Variants in EVA1C observed in about 807,000 individuals in gnomAD.
The protein encoded by EVA1C is eva-1 homolog C.
EVA1C carries 25 observed loss-of-function variants against 45.4 expected under a neutral mutation model. The ratio of observed to expected loss-of-function variants is 0.55; its 90% confidence interval spans 0.40 to 0.77. The LOEUF (loss-of-function observed/expected upper bound fraction) is 0.77. Among genes scored for constraint, EVA1C ranks in the 30% least tolerant of loss-of-function variants. The probability of loss-of-function intolerance (pLI) is 0.00; values close to 1 mark genes in which losing one functional copy is unlikely to be tolerated. For missense variants in EVA1C, 479 were observed against 554.8 expected (o/e 0.86, Z 1.37); for synonymous variants, 190 against 221.2 (o/e 0.86, Z 1.25).
chr21:32,445,821 G>T (rs1333886813), intron 1 of EVA1C, among the ~76,000 whole-genome samples: 1 of 152,184 alleles, frequency 6.6e-6, no homozygotes, highest in Non-Finnish European at 1.5e-5. Context: ...TTTGAGGAAG[G>T]TTTTACCCAT....
intron 6 of EVA1C, among the ~76,000 whole-genome samples, chr21:32,502,173 C>A (rs534212776): frequency 6.6e-6 from 1 of 151,916 alleles, no homozygotes; most frequent in Non-Finnish European, 1.5e-5. Context: ...AATCTCCACT[C>A]ACTGCAACCT....
At chr21:32,477,405 T>C (rs1486826052) in intron 4 of EVA1C, among the ~76,000 whole-genome samples, 1 of 152,180 alleles carries the variant, frequency 6.6e-6, no homozygotes, top group African/African-American at 2.4e-5. Context: ...GTTTAATGGC[T>C]TAAAACAAAA....
intron 3 of EVA1C, among the ~76,000 whole-genome samples, chr21:32,463,004 A>G (rs2146286563): frequency 6.6e-6 from 1 of 152,104 alleles, no homozygotes; most frequent in South Asian, 2.1e-4. Flanking sequence ...TGTGTCTTTA[A>G]TTCTTCTAGC....
chr21:32,453,090 C>A, intron 1 of EVA1C: 1 of 490,238 alleles, frequency 2.0e-6, no homozygotes, highest in Non-Finnish European at 3.7e-6. Flanking sequence ...CAGCACTCCC[C>A]TGCCCCCCTT....
At chr21:32,470,786 T>G (rs1387599355) in intron 4 of EVA1C, among the ~76,000 whole-genome samples, 1 of 149,962 alleles carries the variant, frequency 6.7e-6, no homozygotes, top group Admixed American at 6.7e-5. Flanking sequence ...TGAGATGGAG[T>G]CTCCCTCTGT....
intron 7 of EVA1C, among the ~76,000 whole-genome samples, chr21:32,507,594 G>A (rs1232568197): frequency 2.0e-5 from 3 of 151,874 alleles, no homozygotes; most frequent in Non-Finnish European, 4.4e-5. Context: ...GTGTGCATGT[G>A]TGTTTCTATG....
At chr21:32,469,701 T>C (rs1194755579) in intron 4 of EVA1C, among the ~76,000 whole-genome samples, 3 of 152,206 alleles carry the variant, frequency 2.0e-5, no homozygotes, top group Non-Finnish European at 4.4e-5. Context: ...GCTGCAGTTT[T>C]ACATCTGAAT....
At chr21:32,495,520 C>A (rs1274838888) in intron 5 of EVA1C, among the ~76,000 whole-genome samples, 8 of 152,070 alleles carry the variant, frequency 5.3e-5, no homozygotes. Flanking sequence ...GGATGTCATG[C>A]GAGTTCACAG....
At chr21:32,510,496 A>G (rs1414856554) in intron 7 of EVA1C, among the ~76,000 whole-genome samples, 1 of 152,170 alleles carries the variant, frequency 6.6e-6, no homozygotes, top group South Asian at 2.1e-4. Context: ...TGGTTTATAT[A>G]TGGTCTGTGG....
At chr21:32,496,982 G>T (rs967505388) in intron 5 of EVA1C, 1 of 1,449,286 alleles carries the variant, frequency 6.9e-7, no homozygotes. Flanking sequence ...CTCATCTATG[G>T]CCAATTTGTG....
chr21:32,514,824 G>A lies in EVA1C; in HGVS notation c.960G>A (p.Glu320=). 6.4e-7 allele frequency: 1 copy of A among 1,561,840 alleles called. No homozygotes were observed. The highest frequency in any genetic ancestry group is 1.8e-5 in the Admixed American group (1 of 54,360). The part of the protein sequence containing the change: ...AAFAYIRAHP[E]RAALLFVSSV... ...CTCTTCCTCCTGCAGCCCACCCGGA[G>A]AGAGCTGCCCTGCTGTTCGTGTCCA... The change falls in exon 8 of 8, where the codon GAG becomes GAA. Residue 320 remains glutamate, a synonymous_variant. Transcript: ENST00000300255.
intron 1 of EVA1C, among the ~76,000 whole-genome samples, chr21:32,418,137 C>T (rs114126676): frequency 0.013 from 1,909 of 152,310 alleles, 41 homozygotes; most frequent in African/African-American, 0.043. Flanking sequence ...TGCAAACACA[C>T]GCATGCACAC....
At chr21:32,482,821 G>A in intron 4 of EVA1C, among the ~76,000 whole-genome samples, 1 of 99,556 alleles carries the variant, frequency 1.0e-5, no homozygotes, top group East Asian at 2.9e-4. Flanking sequence ...CCCCCTTCAG[G>A]GTTTGGGGGT....
chr21:32,483,394 A>G (rs1212154481), intron 4 of EVA1C, among the ~76,000 whole-genome samples: 1 of 152,108 alleles, frequency 6.6e-6, no homozygotes, highest in African/African-American at 2.4e-5. Flanking sequence ...GGCACTTAAA[A>G]CATTCTCTTA....
chr21:32,424,699 G>A (rs2034419539), intron 1 of EVA1C, among the ~76,000 whole-genome samples: 1 of 152,194 alleles, frequency 6.6e-6, no homozygotes, highest in East Asian at 1.9e-4. Flanking sequence ...CCCGCTCTGT[G>A]GAACTGGTCA....
chr21:32,417,004 C>T (rs1387665908), intron 1 of EVA1C, among the ~76,000 whole-genome samples: 4 of 152,150 alleles, frequency 2.6e-5, no homozygotes, highest in Non-Finnish European at 5.9e-5. Context: ...TGCCCAGGCC[C>T]GAGTGCAGTG....
intron 1 of EVA1C, among the ~76,000 whole-genome samples, chr21:32,428,037 T>C (rs1487472174): frequency 1.3e-5 from 2 of 152,034 alleles, no homozygotes; most frequent in Non-Finnish European, 2.9e-5. Context: ...TTGATAAAGA[T>C]TGTGTACTAT....
intron 4 of EVA1C, among the ~76,000 whole-genome samples, chr21:32,470,927 T>G (rs1317431517): frequency 6.6e-6 from 1 of 151,828 alleles, no homozygotes; most frequent in Non-Finnish European, 1.5e-5. Flanking sequence ...CCTGGCTGAT[T>G]TTTGTATTTT....
chr21:32,428,684 G>C (rs1243007567), intron 1 of EVA1C: 1 of 152,194 alleles, frequency 6.6e-6, no homozygotes, highest in East Asian at 1.9e-4. Flanking sequence ...TCCGTGGAAA[G>C]GTAAGTTATT....
Sources: allele counts gnomAD v4.1 joint callset (sites outside exome capture counted in the v4.1 genomes callset), GRCh38; gene constraint gnomAD v4.1.1; transcripts MANE v1.5; gene names NCBI Gene and HGNC (gene_info 2026-07-23, HGNC 2026-07-21).